Variants in VGLL2 observed in about 807,000 individuals in gnomAD.
The protein encoded by VGLL2 is transcription cofactor vestigial-like protein 2.
VGLL2 carries 18 observed loss-of-function variants against 27.0 expected under a neutral mutation model. That is an observed-to-expected ratio of 0.67 (90% confidence interval 0.46 to 0.99). The LOEUF (loss-of-function observed/expected upper bound fraction) is 0.99. Ranked by LOEUF, VGLL2 falls within the 50% of genes least tolerant of loss-of-function variation. The pLI is 0.00. For missense variants in VGLL2, 491 were observed against 452.3 expected (o/e 1.09, Z -0.78); for synonymous variants, 220 against 201.1 (o/e 1.09, Z -0.80).
At chr6:117,271,203 C>T (rs1773190339) in intron 3 of VGLL2, 139 bp downstream of exon 3, 1 of 768,858 alleles carries the variant, frequency 1.3e-6, no homozygotes, top group Non-Finnish European at 1.7e-6. Context: ...GTCGTGTTTC[C>T]ACTGATACAT....
chr6:117,272,170 T>A, intron 3 of VGLL2: 1 of 270,780 alleles, frequency 3.7e-6, no homozygotes, highest in Non-Finnish European at 5.6e-6. Flanking sequence ...TCCTTCTTTC[T>A]CCCTCCCTTT....
At chr6:117,271,212 A>G in intron 3 of VGLL2, 148 bp downstream of exon 3, 2 of 695,788 alleles carry the variant, frequency 2.9e-6, no homozygotes, top group Non-Finnish European at 3.9e-6. Context: ...CCACTGATAC[A>G]TGGCCCTGTG....
Position 117,270,868 on chromosome 6 carries a change from T to C in VGLL2, c.717T>C (p.Tyr239=). 7.2e-7 allele frequency: 1 copy of C among 1,394,300 alleles called. No homozygotes were observed. The highest frequency in any genetic ancestry group is 1.5e-5 in the African/African-American group (1 of 66,522). 86.4% of individuals were successfully genotyped at this position (1,394,300 alleles called of 1,614,324 possible). A position where few individuals can be genotyped will look rare whatever the true frequency, so the allele number is the denominator to read the frequency against. The change falls in exon 3 of 4, where the codon TAT becomes TAC. Residue 239 remains tyrosine, a synonymous_variant. Transcript: ENST00000326274. The stretch of plus-strand genomic sequence containing the variant: ...ACGCGCCGCACTTCGACCCGCGCTA[T>C]GGGCCGCTGCTGATGCCAGCCGCCT... ...EVYAPHFDPR[Y]GPLLMPAASG...
rs1773223695 is a variant in VGLL2, at chr6:117,272,529, T to A, written c.*35T>A. ...CCAGGGTTTCCCCTTCCCCTTCCCT[T>A]CTGACCAGCCTTGGAGGCTCAGCAT... On this transcript the variant is annotated 3_prime_UTR_variant, in exon 4 of 4. Transcript: ENST00000326274. 2 of 1,613,946 alleles carry A rather than the reference T, an allele frequency of 1.2e-6. No individual in the cohort carries two copies. Among genetic ancestry groups the A allele is most frequent in the East Asian group, 2.2e-5 (1 of 44,848 alleles).
intron 3 of VGLL2, among the ~76,000 whole-genome samples, chr6:117,271,481 C>T (rs550953740): frequency 1.3e-5 from 2 of 152,080 alleles, no homozygotes; most frequent in East Asian, 3.9e-4. Flanking sequence ...CACTGGATTT[C>T]CAAACCTTTG....
chr6:117,269,750 A>G (rs962281503), intron 2 of VGLL2, among the ~76,000 whole-genome samples: 1 of 152,138 alleles, frequency 6.6e-6, no homozygotes, highest in Non-Finnish European at 1.5e-5. Flanking sequence ...CGGGCTAGGA[A>G]CCAACAGTGA....
In VGLL2 at chr6:117,271,923, A is replaced by G. The variant is rs181324404; in HGVS notation, c.914-531A>G. Among the ~76,000 whole-genome samples the G allele has an allele frequency of 2.3e-3, 344 of 152,180 alleles. 1 individual carries two copies. Among genetic ancestry groups the G allele is most frequent in the Admixed American group, 3.8e-3 (58 of 15,282 alleles). On this transcript the variant is annotated intron_variant, in intron 3 of 3. Coordinates refer to ENST00000326274, the MANE Select transcript of VGLL2 (RefSeq NM_182645.3). Reference sequence around the variant, plus strand: ...GCTTGCTTTTTTGCCTTCTTTTCTTATTTTTAGGGCAAATGAAAGAAATAG... The same window carrying G: ...GCTTGCTTTTTTGCCTTCTTTTCTTGTTTTTAGGGCAAATGAAAGAAATAG...
At chr6:117,272,341 T>A in intron 3 of VGLL2, 113 bp from the exon 4 acceptor site, 1 of 1,598,162 alleles carries the variant, frequency 6.3e-7, no homozygotes, top group Non-Finnish European at 8.5e-7. Flanking sequence ...CAAGGATGTG[T>A]ACTGGTTTTA....
At chr6:117,270,263 T>G (rs1443638311) in intron 2 of VGLL2, among the ~76,000 whole-genome samples, 1 of 152,132 alleles carries the variant, frequency 6.6e-6, no homozygotes, top group African/African-American at 2.4e-5. Context: ...CACTGAGGAC[T>G]CGGCTGCGAA....
Position 117,265,805 on chromosome 6 carries a change from G to T in VGLL2, c.42G>T (p.Pro14=). 1 of 1,614,164 alleles carries T rather than the reference G, an allele frequency of 6.2e-7. No homozygotes were observed. Among genetic ancestry groups the T allele is most frequent in the Non-Finnish European group, 8.5e-7 (1 of 1,180,008 alleles). ...LDVMYQVYGP[P]QPYFAAAYTP... ...TTATGTACCAAGTCTATGGTCCTCC[G>T]CAGCCCTACTTCGCAGCCGCCTACA... is the stretch of plus-strand genomic sequence containing the variant. Residue 14 remains proline, a synonymous_variant, in exon 1 of 4, where the codon CCG becomes CCT. Coordinates refer to ENST00000326274, the MANE Select transcript of VGLL2 (RefSeq NM_182645.3).
chr6:117,267,036 C>T (rs552029761), intron 1 of VGLL2, among the ~76,000 whole-genome samples: 53 of 152,254 alleles, frequency 3.5e-4, no homozygotes, highest in African/African-American at 1.2e-3. Context: ...AATCTTACAT[C>T]GTTTTGTCCC....
chr6:117,268,355 C>T lies in VGLL2; in HGVS notation c.255C>T (p.Cys85=), dbSNP rs35052255. 127 of 1,613,986 alleles carry T rather than the reference C, an allele frequency of 7.9e-5. No homozygotes were observed. In the African/African-American group the frequency reaches 1.5e-3, roughly 18 times the overall value. Residue 85 remains cysteine (C), a synonymous_variant, in exon 2 of 4, where the codon TGC becomes TGT. Transcript: ENST00000326274. ...AGGCAGAGTACATCAACTCCCGCTG[C>T]GTCCTCTTCACTTATTTCCAGGGGG... is the stretch of plus-strand genomic sequence containing the variant. ...PPEAEYINSR[C]VLFTYFQGDI...
In VGLL2 at chr6:117,268,283, C is replaced by T. The variant is rs905679191; in HGVS notation, c.183C>T (p.Ala61=). The change falls in exon 2 of 4, where the codon GCC becomes GCT. Residue 61 remains alanine, a synonymous_variant. Coordinates refer to ENST00000326274, the MANE Select transcript of VGLL2 (RefSeq NM_182645.3). ...GSSSFSSQTP[A]SIKEEEGSPE... ...CCTCATTTTCCAGCCAAACCCCAGC[C>T]AGTATAAAAGAGGAAGAAGGCAGCC... is the stretch of plus-strand genomic sequence containing the variant. The T allele has an allele frequency of 6.2e-7, 1 of 1,614,194 alleles. No individual in the cohort carries two copies.
In VGLL2 at chr6:117,265,662, G is replaced by A; in HGVS notation, c.-102G>A. On this transcript the variant is annotated 5_prime_UTR_variant, in exon 1 of 4. An upstream start codon of the reference 5' UTR is lost. Transcript: ENST00000326274. ...GCGCGCTGGCTTTGCTCCGCCTGATGACTCCAGAGCGCGGGTCCAAGCGCC... is the reference window on the plus strand; with the variant it reads ...GCGCGCTGGCTTTGCTCCGCCTGATAACTCCAGAGCGCGGGTCCAAGCGCC... The A allele has an allele frequency of 1.0e-6, 1 of 955,032 alleles. No individual in the cohort carries two copies. Among genetic ancestry groups the A allele is most frequent in the Non-Finnish European group, 1.7e-6 (1 of 604,170 alleles). The allele number at this position is 955,032 out of a possible 1,614,324, so 59.2% of individuals were successfully genotyped here.
rs1469359538 is a variant in VGLL2 at position 117,265,750 on chromosome 6, C to T, written c.-14C>T. 1 of 1,612,900 alleles carries T rather than the reference C, an allele frequency of 6.2e-7. No individual in the cohort carries two copies. Among genetic ancestry groups the T allele is most frequent in the Non-Finnish European group, 8.5e-7 (1 of 1,178,860 alleles). The stretch of plus-strand genomic sequence containing the variant: ...TAATGAAAAAACACTTAACCGTCTC[C>T]GCTGCGGAGAGTCATGAGCTGTCTG... On this transcript the variant is annotated 5_prime_UTR_variant, in exon 1 of 4. Coordinates refer to ENST00000326274, the MANE Select transcript of VGLL2 (RefSeq NM_182645.3).
chr6:117,272,377 TCTC>T, intron 3 of VGLL2, 74 bp from the exon 4 acceptor site: 1 of 1,613,558 alleles, frequency 6.2e-7, no homozygotes, highest in Non-Finnish European at 8.5e-7. Context: ...TCCCTGTAGG[TCTC>T]TGCATAGTGC....
chr6:117,268,147 A>T, intron 1 of VGLL2, 35 bp from the exon 2 acceptor site: 1 of 1,599,548 alleles, frequency 6.3e-7, no homozygotes, highest in Non-Finnish European at 8.5e-7. Context: ...ATCGCTTTTG[A>T]AATTGATATC....
intron 2 of VGLL2, among the ~76,000 whole-genome samples, chr6:117,268,885 G>A (rs777725924): frequency 4.6e-5 from 7 of 152,088 alleles, no homozygotes; most frequent in Non-Finnish European, 7.4e-5. Flanking sequence ...CGTCAAAAAC[G>A]TGAGGTTTCC....
In VGLL2 at chr6:117,265,687, C is replaced by G. The variant is rs1773051257; in HGVS notation, c.-77C>G. The G allele has an allele frequency of 7.6e-7, 1 of 1,312,776 alleles. No homozygotes were observed. The highest frequency in any genetic ancestry group is 1.1e-6 in the Non-Finnish European group (1 of 914,382). The allele number at this position is 1,312,776 out of a possible 1,614,324, so 81.3% of individuals were successfully genotyped here. ...GACTCCAGAGCGCGGGTCCAAGCGC[C>G]GCCCATGCAGCACCCCTGAGCTCCG... is the stretch of plus-strand genomic sequence containing the variant. On this transcript the variant is annotated 5_prime_UTR_variant, in exon 1 of 4. Coordinates refer to ENST00000326274, the MANE Select transcript of VGLL2 (RefSeq NM_182645.3).
Sources: allele counts gnomAD v4.1 joint callset (sites outside exome capture counted in the v4.1 genomes callset), GRCh38; gene constraint gnomAD v4.1.1; transcripts MANE v1.5; gene names NCBI Gene and HGNC (gene_info 2026-07-23, HGNC 2026-07-21).